ZNG1F: variants seen among roughly 807,000 people sequenced by gnomAD.
ZNG1F encodes the protein zinc-regulated GTPase metalloprotein activator 1F.
the ZNG1F span, among the ~76,000 whole-genome samples, chr9:41,148,755 TAAAGTA>T: frequency 9.0e-3 from 1,277 of 141,132 alleles, 11 homozygotes; most frequent in African/African-American, 0.032. Flanking sequence ...TTCCAATTCA[TAAAGTA>T]AAAGGGGTCC....
the ZNG1F span, chr9:41,158,656 C>A: frequency 2.0e-4 from 12 of 60,056 alleles, no homozygotes; most frequent in Non-Finnish European, 3.4e-4. Flanking sequence ...AATAAAATAT[C>A]CAAGTCTCTC....
At chr9:41,169,651 T>C in the ZNG1F span, among the ~76,000 whole-genome samples, 5 of 150,686 alleles carry the variant, frequency 3.3e-5, no homozygotes, top group South Asian at 6.3e-4. Context: ...GCATAAGTCA[T>C]GGAGAGCTAA....
At chr9:41,169,757 C>A in the ZNG1F span, among the ~76,000 whole-genome samples, 1 of 147,784 alleles carries the variant, frequency 6.8e-6, no homozygotes, top group African/African-American at 2.6e-5. Flanking sequence ...AAAAAAATAG[C>A]AATGTGAGGT....
the ZNG1F span, among the ~76,000 whole-genome samples, chr9:41,196,705 T>TAC: frequency 1.0e-3 from 86 of 85,080 alleles, no homozygotes; most frequent in South Asian, 0.015. Context: ...AAAATATATA[T>TAC]ACACACACAT....
the ZNG1F span, among the ~76,000 whole-genome samples, chr9:41,178,979 ACT>A: frequency 1.7e-5 from 2 of 114,330 alleles, 1 homozygote; most frequent in Non-Finnish European, 3.7e-5. Flanking sequence ...GGACAGGCTG[ACT>A]CTCTTGTTAG....
chr9:41,152,398 T>A, the ZNG1F span, among the ~76,000 whole-genome samples: 1 of 149,130 alleles, frequency 6.7e-6, no homozygotes, highest in African/African-American at 2.5e-5. Flanking sequence ...TACACAATAA[T>A]AATGGGAGAC....
the ZNG1F span, among the ~76,000 whole-genome samples, chr9:41,203,237 A>T: frequency 2.0e-5 from 3 of 152,168 alleles, no homozygotes; most frequent in Non-Finnish European, 4.4e-5. Flanking sequence ...TAAGTACCTG[A>T]TGGGGAGATA....
At chr9:41,181,263 ACTGG>A in the ZNG1F span, among the ~76,000 whole-genome samples, 1 of 143,122 alleles carries the variant, frequency 7.0e-6, no homozygotes, top group Non-Finnish European at 1.5e-5. Flanking sequence ...AAATGGCAAA[ACTGG>A]CTATGATGAA....
chr9:41,194,022 AG>A, the ZNG1F span, among the ~76,000 whole-genome samples: 2 of 141,612 alleles, frequency 1.4e-5, no homozygotes, highest in Admixed American at 1.5e-4. Context: ...GATGATAAAA[AG>A]TGATGTCAAT....
the ZNG1F span, among the ~76,000 whole-genome samples, chr9:41,139,269 G>T: frequency 7.0e-6 from 1 of 142,850 alleles, no homozygotes; most frequent in South Asian, 2.3e-4. Context: ...CACCCAGCAA[G>T]TCTACCAGGC....
chr9:41,147,679 G>GAA, the ZNG1F span, among the ~76,000 whole-genome samples: 16,380 of 84,740 alleles, frequency 0.19, 2,245 homozygotes, highest in South Asian at 0.31. Context: ...TCTCCAAGGG[G>GAA]AAAAAAAAAA....
chr9:41,155,086 A>C, the ZNG1F span, among the ~76,000 whole-genome samples: 92 of 150,950 alleles, frequency 6.1e-4, no homozygotes, highest in East Asian at 3.5e-3. Flanking sequence ...AATGGGAGAA[A>C]ATTTTCGCAA....
At chr9:41,195,505 A>G in the ZNG1F span, among the ~76,000 whole-genome samples, 3 of 128,060 alleles carry the variant, frequency 2.3e-5, no homozygotes, top group Middle Eastern at 8.1e-3. Context: ...TGTAAGTAAC[A>G]TTGTTTGAAT....
At chr9:41,199,966 C>A in the ZNG1F span, among the ~76,000 whole-genome samples, 1 of 144,870 alleles carries the variant, frequency 6.9e-6, no homozygotes, top group African/African-American at 2.6e-5. Flanking sequence ...CTGGGCCTAG[C>A]CCACAAAACC....
chr9:41,138,037 TTTTTTTG>T, the ZNG1F span, among the ~76,000 whole-genome samples: 167 of 79,374 alleles, frequency 2.1e-3, 7 homozygotes, highest in Non-Finnish European at 3.5e-3. Flanking sequence ...GTATACCTTG[TTTTTTTG>T]TTTTTTGTTG....
the ZNG1F span, among the ~76,000 whole-genome samples, chr9:41,195,667 C>A: frequency 8.7e-6 from 1 of 115,342 alleles, no homozygotes; most frequent in African/African-American, 3.0e-5. Flanking sequence ...ACCAATCTCT[C>A]TAAAAGAAAC....
chr9:41,183,736 G>A, the ZNG1F span: 3 of 1,600,178 alleles, frequency 1.9e-6, no homozygotes, highest in East Asian at 6.8e-5. Flanking sequence ...CAAAGATGAG[G>A]ATAACTCAAT....
At chr9:41,183,981 A>G in the ZNG1F span, among the ~76,000 whole-genome samples, 1 of 149,002 alleles carries the variant, frequency 6.7e-6, no homozygotes, top group Non-Finnish European at 1.5e-5. Context: ...TCCAGGGTAA[A>G]CTTTCTAAAT....
chr9:41,205,022 A>T, the ZNG1F span, among the ~76,000 whole-genome samples: 2 of 146,970 alleles, frequency 1.4e-5, no homozygotes, highest in South Asian at 2.3e-4. Flanking sequence ...TATTCTTTTA[A>T]TTTCATTTTC....
Sources: gnomAD v4.1 joint callset for allele counts (sites outside exome capture counted in the v4.1 genomes callset) on GRCh38, gnomAD v4.1.1 for gene constraint, MANE v1.5 for transcripts, NCBI Gene and HGNC (gene_info 2026-07-23, HGNC 2026-07-21) for gene names.